The following ATP8B3 variants were observed in gnomAD, a reference collection of about 807,000 sequenced individuals.
ATP8B3 encodes the protein phospholipid-transporting ATPase IK.
A neutral mutation model predicts 140.9 loss-of-function variants in ATP8B3; 141 were observed. That is an observed-to-expected ratio of 1.00 (90% confidence interval 0.87 to 1.15). The LOEUF (loss-of-function observed/expected upper bound fraction) is 1.15, where lower values mean the gene tolerates loss of function less well. Ranked by LOEUF, ATP8B3 falls within the 50% of genes most tolerant of loss-of-function variation. The pLI is 0.00. For missense variants in ATP8B3, 1,874 were observed against 1,740.6 expected (o/e 1.08, Z -1.36); for synonymous variants, 765 against 714.6 (o/e 1.07, Z -1.13).
chr19:1,811,054 C>A (rs1220148883), intron 2 of ATP8B3, among the ~76,000 whole-genome samples: 2 of 152,238 alleles, frequency 1.3e-5, no homozygotes, highest in African/African-American at 4.8e-5. Flanking sequence ...CCTGAAAGGA[C>A]CACTCTCACC....
In ATP8B3 at chr19:1,785,648, C is replaced by T. The variant is rs770743536; in HGVS notation, c.3214G>A (p.Glu1072Lys). 43 of 1,613,026 alleles carry T rather than the reference C, an allele frequency of 2.7e-5. No individual in the cohort carries two copies. The highest frequency in any genetic ancestry group is 3.5e-5 in the Non-Finnish European group (41 of 1,179,830). ...PELYVVGQKD[E>K]LFNYWVFVQA... ...ACGAAGACCCAGTAGTTGAAGAGCT[C>T]GTCCTTCTGCCCCACCACGTACAGC... is the stretch of plus-strand genomic sequence containing the variant. Residue 1072 changes from glutamate to lysine, a missense_variant, in exon 26 of 29, where the codon GAG becomes AAG. Coordinates refer to ENST00000310127, the MANE Select transcript of ATP8B3 (RefSeq NM_138813.4).
In ATP8B3 at chr19:1,784,826, C is replaced by T. The variant is rs771914558; in HGVS notation, c.3653G>A (p.Arg1218His). 1.5e-5 allele frequency: 24 copies of T among 1,603,082 alleles called. No homozygotes were observed. Among genetic ancestry groups the T allele is most frequent in the Middle Eastern group, 1.7e-4 (1 of 6,058 alleles). The change falls in exon 28 of 29, where the codon CGT becomes CAT. Residue 1218 changes from arginine to histidine, a missense_variant. Arg to His is a conservative substitution (Grantham distance 29). Around this residue, in one of 3 missense-constraint regions of ATP8B3, gnomAD observed 840 missense variants for 760.9 expected, o/e 1.10. Coordinates refer to ENST00000310127, the MANE Select transcript of ATP8B3 (RefSeq NM_138813.4). ...GGCCCAGGCCCACCTCACCTTGGCA[C>T]GTAGCTCCTTGAGGGCTGGGAAGAT... Reference protein sequence around the residue: ...RVIFPALKELRAKEEKVEEGP... With the variant: ...RVIFPALKELHAKEEKVEEGP...
Position 1,783,283 on chromosome 19 carries a change from G to A in ATP8B3, c.3661-13C>T. The stretch of plus-strand genomic sequence containing the variant: ...CCACCTTCTCCTCCTGAAGAGCAAA[G>A]GGGAGAGCAGGGGAAGCAGACTCCT... On this transcript the variant is annotated splice_polypyrimidine_tract_variant and intron_variant, in intron 28 of 28. Coordinates refer to ENST00000310127, the MANE Select transcript of ATP8B3 (RefSeq NM_138813.4). The A allele has an allele frequency of 6.2e-7, 1 of 1,601,618 alleles. No homozygotes were observed. The highest frequency in any genetic ancestry group is 8.5e-7 in the Non-Finnish European group (1 of 1,173,940).
Position 1,807,345 on chromosome 19 carries a change from C to A in ATP8B3, c.517-79G>T. On this transcript the variant is annotated intron_variant, in intron 5 of 28. Coordinates refer to ENST00000310127, the MANE Select transcript of ATP8B3 (RefSeq NM_138813.4). The surrounding 1 kb of genome is among the most constrained non-coding windows in gnomAD (Gnocchi z 5.9). ...GCCCTTCCACCAAGCCGACCTAGCC[C>A]CGCACTCGACACCACGTGACACATC... 8.6e-7 allele frequency: 1 copy of A among 1,157,940 alleles called. No individual in the cohort carries two copies. Among genetic ancestry groups the A allele is most frequent in the African/African-American group, 1.5e-5 (1 of 66,114 alleles). The allele number at this position is 1,157,940 out of a possible 1,614,324, so 71.7% of individuals were successfully genotyped here. A position where few individuals can be genotyped will look rare whatever the true frequency, so the allele number is the denominator to read the frequency against.
rs1046761071 is a variant in ATP8B3, at chr19:1,807,480, C to A, written c.517-214G>T. Among the ~76,000 whole-genome samples the A allele has an allele frequency of 6.6e-6, 1 of 152,146 alleles. No homozygotes were observed. Among genetic ancestry groups the A allele is most frequent in the African/African-American group, 2.4e-5 (1 of 41,428 alleles). ...GGAACTTCTCCCACACGCCTCGTCT[C>A]CCCAGCAAACTCCCCTTCTCCCGTC... On this transcript the variant is annotated intron_variant, in intron 5 of 28. Coordinates refer to ENST00000310127, the MANE Select transcript of ATP8B3 (RefSeq NM_138813.4). The surrounding 1 kb of genome is among the most constrained non-coding windows in gnomAD (Gnocchi z 5.9).
At chr19:1,796,625 A>G in intron 16 of ATP8B3, 86 bp downstream of exon 16, 1 of 1,489,982 alleles carries the variant, frequency 6.7e-7, no homozygotes, top group South Asian at 1.3e-5. Context: ...GCCCTGGAAG[A>G]TGGGCCGGGT....
Position 1,787,087 on chromosome 19 carries a change from GC to G in ATP8B3, c.3153+15del. ...AGCAGAGACCTGGAAGGAAGACCCG[GC>G]CTTGCCCTGCTCACCTGCTCAAAGA... On this transcript the variant is annotated intron_variant, in intron 25 of 28. Coordinates refer to ENST00000310127, the MANE Select transcript of ATP8B3 (RefSeq NM_138813.4). 6.3e-7 allele frequency: 1 copy of G among 1,578,078 alleles called. No homozygotes were observed. The highest frequency in any genetic ancestry group is 1.3e-5 in the African/African-American group (1 of 74,248).
Position 1,791,752 on chromosome 19 carries a change from T to G in ATP8B3, c.2300A>C (p.Gln767Pro). 6.2e-7 allele frequency: 1 copy of G among 1,610,108 alleles called. No individual in the cohort carries two copies. Among genetic ancestry groups the G allele is most frequent in the Non-Finnish European group, 8.5e-7 (1 of 1,178,800 alleles). Residue 767 changes from glutamine to proline, a missense_variant and splice_region_variant, in exon 20 of 29, where the codon CAG becomes CCG. Gln to Pro is a moderately conservative substitution (Grantham distance 76). Around this residue, in one of 3 missense-constraint regions of ATP8B3, gnomAD observed 840 missense variants for 760.9 expected, o/e 1.10. Coordinates refer to ENST00000310127, the MANE Select transcript of ATP8B3 (RefSeq NM_138813.4). ...ACCCGGAGCTGCCCGGGACTCACCC[T>G]GCTTGTCCCCGGTGAGCACCCATAT... The part of the protein sequence containing the change: ...IKIWVLTGDK[Q>P]ETAVNIGFAC...
rs975468573 is a variant in ATP8B3, at chr19:1,807,394, C to T, written c.517-128G>A. ...TCTGCTGGCCACCTTGACCGGGGTC[C>T]AGCCATCTCCTGCAACCCCCAGCCC... On this transcript the variant is annotated intron_variant, in intron 5 of 28. Coordinates refer to ENST00000310127, the MANE Select transcript of ATP8B3 (RefSeq NM_138813.4). The surrounding 1 kb of genome is among the most constrained non-coding windows in gnomAD (Gnocchi z 5.9). The T allele has an allele frequency of 3.8e-5, 27 of 715,376 alleles. No homozygotes were observed. The African/African-American group carries it at 4.6e-4, about 12-fold the overall frequency. The allele number at this position is 715,376 out of a possible 1,614,324, so 44.3% of individuals were successfully genotyped here.
Position 1,806,077 on chromosome 19 carries a change from C to T in ATP8B3, c.750+20G>A, listed in dbSNP as rs374070761. 20 of 1,601,130 alleles carry T rather than the reference C, an allele frequency of 1.2e-5. No individual in the cohort carries two copies. Among genetic ancestry groups the T allele is most frequent in the African/African-American group, 6.7e-5 (5 of 74,412 alleles). ...GAGGGGGCGCGTGGTTCTGGGACCT[C>T]GGGGTCAACCCCAGCTCACTGGGAC... On this transcript the variant is annotated intron_variant, in intron 8 of 28. Coordinates refer to ENST00000310127, the MANE Select transcript of ATP8B3 (RefSeq NM_138813.4). The surrounding 1 kb of genome is among the most constrained non-coding windows in gnomAD (Gnocchi z 5.6).
Position 1,807,186 on chromosome 19 carries a change from C to T in ATP8B3, c.597G>A (p.Arg199=), listed in dbSNP as rs925381952. Residue 199 remains arginine (R), a synonymous_variant, in exon 6 of 29, where the codon CGG becomes CGA. Transcript: ENST00000310127. This position sits in a 1 kb window ranked among gnomAD's most constrained non-coding sequence, Gnocchi z 5.9. ...MVCLLFIRAT[R]DLVDDMGRHK... ...CACTCACCATGTCGTCCACCAGGTCCCGGGTGGCACGGATGAAGAGGAGGC... is the reference window on the plus strand; with the variant it reads ...CACTCACCATGTCGTCCACCAGGTCTCGGGTGGCACGGATGAAGAGGAGGC... 6.2e-7 allele frequency: 1 copy of T among 1,612,792 alleles called. No individual in the cohort carries two copies. Among genetic ancestry groups the T allele is most frequent in the Non-Finnish European group, 8.5e-7 (1 of 1,179,622 alleles).
chr19:1,785,261 C>T lies in ATP8B3; in HGVS notation c.3430G>A (p.Val1144Met), dbSNP rs765476566. 58 of 1,609,520 alleles carry T rather than the reference C, an allele frequency of 3.6e-5. No individual in the cohort carries two copies. Among genetic ancestry groups the T allele is most frequent in the Non-Finnish European group, 4.4e-5 (52 of 1,178,080 alleles). ...LIIKYWTALC[V>M]ATILLSLGFY... The stretch of plus-strand genomic sequence containing the variant: ...CCAAGGCTGAGGAGGATGGTCGCCA[C>T]GCACAGGGCGGTCCAGTACTTGATG... The change falls in exon 27 of 29, where the codon GTG (valine) becomes ATG (methionine). Residue 1144 changes from valine to methionine, a missense_variant. Transcript: ENST00000310127.
chr19:1,797,743 G>A (rs1046364838), intron 14 of ATP8B3, among the ~76,000 whole-genome samples: 3 of 150,610 alleles, frequency 2.0e-5, no homozygotes, highest in Non-Finnish European at 3.0e-5. Flanking sequence ...CCAGTGATCC[G>A]CCCGCCTCAG....
chr19:1,785,303 C>G lies in ATP8B3; in HGVS notation c.3394-6G>C, dbSNP rs757082324. On this transcript the variant is annotated splice_polypyrimidine_tract_variant and splice_region_variant and intron_variant, in intron 26 of 28. Transcript: ENST00000310127. ...TACTTGATGATAAGAATGACCTGGA[C>G]AGGCAGCGGTGGGGTAAATCCGGGG... 6.3e-7 allele frequency: 1 copy of G among 1,586,768 alleles called. No individual in the cohort carries two copies. The highest frequency in any genetic ancestry group is 2.3e-5 in the East Asian group (1 of 44,414).
chr19:1,792,565 G>T (rs1465581326), intron 18 of ATP8B3, among the ~76,000 whole-genome samples: 1 of 142,380 alleles, frequency 7.0e-6, no homozygotes, highest in Admixed American at 7.3e-5. Context: ...GGGCGACAAA[G>T]TGAGACTCCA....
chr19:1,811,568 AGTCTCCCATCCCAGCTCTGATCACC>A lies in ATP8B3; in HGVS notation c.144_168del (p.Val49ProfsTer68). ...CTCTCAGGTGCCCCTCTGCCTGGGG[AGTCTCCCATCCCAGCTCTGATCACC>A]GTCTCACCTCCGCGGATGCCAGCAG... On this transcript the variant is annotated frameshift_variant, in exon 2 of 29. Transcript: ENST00000310127. LOFTEE classifies it high-confidence loss of function. 1 of 1,612,166 alleles carries A rather than the reference AGTCTCCCATCCCAGCTCTGATCACC, an allele frequency of 6.2e-7. No homozygotes were observed. The highest frequency in any genetic ancestry group is 8.5e-7 in the Non-Finnish European group (1 of 1,179,778).
Position 1,795,897 on chromosome 19 carries a change from A to G in ATP8B3, c.2033T>C (p.Phe678Ser). The change falls in exon 18 of 29, where the codon TTT (phenylalanine) becomes TCT (serine). Residue 678 changes from phenylalanine (F) to serine (S), a missense_variant. This residue lies in a region of ATP8B3 where 1,032 missense variants were observed against 963.6 expected (regional missense o/e 1.07). Coordinates refer to ENST00000310127, the MANE Select transcript of ATP8B3 (RefSeq NM_138813.4). ...CACAGCCAAGGCCTCCTCTGTGGCA[A>G]ATTCCATTGCCCCCCTCCTGTGCAA... ...ERLHRRGAMEFATEEALAAFA... is the reference protein window; with the variant it reads ...ERLHRRGAMESATEEALAAFA... 6.2e-7 allele frequency: 1 copy of G among 1,610,784 alleles called. No individual in the cohort carries two copies. The highest frequency in any genetic ancestry group is 8.5e-7 in the Non-Finnish European group (1 of 1,179,542).
chr19:1,783,940 G>A (rs2068229357), intron 28 of ATP8B3, among the ~76,000 whole-genome samples: 1 of 152,098 alleles, frequency 6.6e-6, no homozygotes, highest in Non-Finnish European at 1.5e-5. Context: ...GCTCAAGCAA[G>A]CCACCTGCTT....
chr19:1,810,733 G>A, intron 2 of ATP8B3, 50 bp from the exon 3 acceptor site: 1 of 1,568,110 alleles, frequency 6.4e-7, no homozygotes, highest in Non-Finnish European at 8.7e-7. Context: ...AGCCCTTGCT[G>A]GGCACCACTC....
Sources: gnomAD v4.1 joint callset for allele counts (sites outside exome capture counted in the v4.1 genomes callset) on GRCh38, gnomAD v4.1.1 for gene constraint, gnomAD v4.1.1 regional missense constraint, Gnocchi (gnomAD v3.1) non-coding constraint, MANE v1.5 for transcripts, NCBI Gene and HGNC (gene_info 2026-07-23, HGNC 2026-07-21) for gene names.